The following NXPE3 variants were observed in gnomAD, a reference collection of about 807,000 sequenced individuals.
NXPE3 encodes neurexophilin and PC-esterase domain family member 3.
A neutral mutation model predicts 46.1 loss-of-function variants in NXPE3; 26 were observed. That is an observed-to-expected ratio of 0.56 (90% CI 0.41 to 0.78). NXPE3 has a LOEUF of 0.78. NXPE3 is among the 30% of genes least tolerant of loss of function. The probability of loss-of-function intolerance (pLI) is 0.00; values close to 1 mark genes in which losing one functional copy is unlikely to be tolerated. For synonymous variants in NXPE3, 272 were observed against 257.9 expected (o/e 1.05, Z -0.52); for missense variants, 620 against 686.0 (o/e 0.90, Z 1.07).
rs1941939958 is a variant in NXPE3 at position 101,815,706 on chromosome 3, G to A, written c.923-1089G>A. ...TAGTGAAACCCCATCTGTACTAAAAGTGCAAAAATTGGCCAGGCGTGGTGG... is the reference window on the plus strand; with the variant it reads ...TAGTGAAACCCCATCTGTACTAAAAATGCAAAAATTGGCCAGGCGTGGTGG... On this transcript the variant is annotated intron_variant, in intron 6 of 7. Coordinates refer to ENST00000273347, the MANE Select transcript of NXPE3 (RefSeq NM_145037.4). Among the ~76,000 whole-genome samples, 4 of 151,804 alleles carry A rather than the reference G, an allele frequency of 2.6e-5. No individual in the cohort carries two copies. In the South Asian group the frequency reaches 8.3e-4, roughly 32 times the overall value.
chr3:101,827,522 C>G lies in NXPE3; in HGVS notation c.*5568C>G, dbSNP rs963875877. ...TATGGTAAAAGGTAACTCCCTCCAC[C>G]CGCCCACTGCACCCTCACGTTTAGG... On this transcript the variant is annotated 3_prime_UTR_variant, in exon 8 of 8. Coordinates refer to ENST00000273347, the MANE Select transcript of NXPE3 (RefSeq NM_145037.4). 1.3e-5 allele frequency: 2 copies of G among 152,224 alleles called. No homozygotes were observed. Among genetic ancestry groups the G allele is most frequent in the Non-Finnish European group, 2.9e-5 (2 of 68,032 alleles). The allele number at this position is 152,224 out of a possible 1,614,324, so 9.4% of individuals were successfully genotyped here.
At chr3:101,791,688 T>C (rs1443656845) in intron 4 of NXPE3, among the ~76,000 whole-genome samples, 3 of 152,192 alleles carry the variant, frequency 2.0e-5, no homozygotes, top group East Asian at 1.9e-4. Flanking sequence ...ATCCAGTCTG[T>C]TTTTGATGGG....
intron 4 of NXPE3, among the ~76,000 whole-genome samples, chr3:101,787,359 T>G (rs769062918): frequency 1.3e-4 from 20 of 152,162 alleles, no homozygotes; most frequent in Non-Finnish European, 2.5e-4. Flanking sequence ...CAGGCTGGAG[T>G]GCAATGGCAC....
chr3:101,821,346 T>A lies in NXPE3; in HGVS notation c.1130-58T>A. The A allele has an allele frequency of 5.4e-6, 8 of 1,488,410 alleles. No individual in the cohort carries two copies. In the South Asian group the frequency reaches 9.6e-5, roughly 18 times the overall value. The allele number at this position is 1,488,410 out of a possible 1,614,324, so 92.2% of individuals were successfully genotyped here. ...TTTGAAGCCACTTAATAAGGTATAA[T>A]CAAAATATATGTGCTTGGTTTGAAG... On this transcript the variant is annotated intron_variant, in intron 7 of 7. Coordinates refer to ENST00000273347, the MANE Select transcript of NXPE3 (RefSeq NM_145037.4).
At position 101,827,047 on chromosome 3, in the gene NXPE3, A is replaced by G. The variant is rs1942518102; in HGVS notation, c.*5093A>G. The G allele has an allele frequency of 6.6e-6, 1 of 152,204 alleles. No homozygotes were observed. Among genetic ancestry groups the G allele is most frequent in the Non-Finnish European group, 1.5e-5 (1 of 68,050 alleles). 9.4% of individuals were successfully genotyped at this position (152,204 alleles called of 1,614,324 possible). ...AAACTCTGTCTCAATAAATAAATAA[A>G]TAAATAAAAAATAAAAAAGTGTGAA... On this transcript the variant is annotated 3_prime_UTR_variant, in exon 8 of 8. Transcript: ENST00000273347.
At chr3:101,780,888 T>G (rs1939781314) in intron 1 of NXPE3, among the ~76,000 whole-genome samples, 1 of 152,166 alleles carries the variant, frequency 6.6e-6, no homozygotes, top group African/African-American at 2.4e-5. Context: ...GAAGGAGAAA[T>G]GGAATCTGTG....
Position 101,821,724 on chromosome 3 carries a change from G to C in NXPE3, c.1450G>C (p.Ala484Pro), listed in dbSNP as rs760510105. 8.7e-6 allele frequency: 14 copies of C among 1,614,090 alleles called. No homozygotes were observed. The highest frequency in any genetic ancestry group is 1.2e-5 in the Non-Finnish European group (14 of 1,180,038). Residue 484 changes from alanine (A) to proline (P), a missense_variant, in exon 8 of 8, where the codon GCC becomes CCC. Ala to Pro is a conservative substitution (Grantham distance 27). This residue lies in a region of NXPE3 where 75 missense variants were observed against 121.1 expected (regional missense o/e 0.62). Coordinates refer to ENST00000273347, the MANE Select transcript of NXPE3 (RefSeq NM_145037.4). ...AAAGACCGTGGTGGTCATCCGGACG[G>C]CCAACGCCCAAGAGCTGGGACCTGA... ...SPKTVVVIRT[A>P]NAQELGPEVS...
intron 4 of NXPE3, among the ~76,000 whole-genome samples, chr3:101,799,726 C>T (rs1216144006): frequency 6.6e-6 from 1 of 152,106 alleles, no homozygotes; most frequent in Non-Finnish European, 1.5e-5. Context: ...ATCTGGCCTA[C>T]TTCATTCTTT....
intron 4 of NXPE3, among the ~76,000 whole-genome samples, chr3:101,792,921 G>A (rs1488833484): frequency 6.6e-6 from 1 of 152,088 alleles, no homozygotes; most frequent in Non-Finnish European, 1.5e-5. Context: ...CCATTTGTTT[G>A]TGTCTTCTCT....
At chr3:101,781,868 G>A (rs1019153749) in intron 1 of NXPE3, 1 of 152,112 alleles carries the variant, frequency 6.6e-6, no homozygotes, top group African/African-American at 2.4e-5. Flanking sequence ...TGTTTATAAA[G>A]TTTTGACCTT....
At chr3:101,807,180 A>G in intron 6 of NXPE3, 54 bp downstream of exon 6, 1 of 1,358,790 alleles carries the variant, frequency 7.4e-7, no homozygotes, top group Non-Finnish European at 1.1e-6. Flanking sequence ...AACTGGGTTG[A>G]GGCTCTGTCG....
At chr3:101,798,632 A>G (rs12631513) in intron 4 of NXPE3, among the ~76,000 whole-genome samples, 3 of 143,560 alleles carry the variant, frequency 2.1e-5, no homozygotes, top group Admixed American at 7.0e-5. Context: ...AAAGTTTTTG[A>G]GACAAAGTCT....
In NXPE3 at chr3:101,821,891, T is replaced by A. The variant is rs1421842357; in HGVS notation, c.1617T>A (p.Asp539Glu). 1.2e-6 allele frequency: 2 copies of A among 1,614,132 alleles called. No individual in the cohort carries two copies. Among genetic ancestry groups the A allele is most frequent in the Admixed American group, 3.3e-5 (2 of 60,018 alleles). The change falls in exon 8 of 8, where the codon GAT (aspartate) becomes GAA (glutamate). Residue 539 changes from aspartate (D) to glutamate (E), a missense_variant. Physicochemically the swap from Asp to Glu is conservative, Grantham distance 45. Around this residue, in one of 3 missense-constraint regions of NXPE3, gnomAD observed 34 missense variants for 36.2 expected, o/e 0.94. Coordinates refer to ENST00000273347, the MANE Select transcript of NXPE3 (RefSeq NM_145037.4). ...ATCTACCGCACAAGCTGCATCCAGATGAAGTTATTGTGAAGAACCAGCTGG... is the reference window on the plus strand; with the variant it reads ...ATCTACCGCACAAGCTGCATCCAGAAGAAGTTATTGTGAAGAACCAGCTGG... ...AHYLPHKLHP[D>E]EVIVKNQLDM...
chr3:101,801,049 A>G (rs931737104), intron 4 of NXPE3, among the ~76,000 whole-genome samples, 186 bp from the exon 5 acceptor site: 17 of 152,130 alleles, frequency 1.1e-4, no homozygotes, highest in African/African-American at 3.9e-4. Flanking sequence ...GCATACTTCA[A>G]AATGGGTCCT....
chr3:101,800,268 C>T (rs891517620), intron 4 of NXPE3, among the ~76,000 whole-genome samples: 2 of 152,066 alleles, frequency 1.3e-5, no homozygotes, highest in Non-Finnish European at 2.9e-5. Flanking sequence ...TCACCTTCAC[C>T]TAGTTAACAT....
chr3:101,785,672 A>G lies in NXPE3; in HGVS notation c.76A>G (p.Asn26Asp). 1 of 1,613,084 alleles carries G rather than the reference A, an allele frequency of 6.2e-7. No individual in the cohort carries two copies. Among genetic ancestry groups the G allele is most frequent in the Non-Finnish European group, 8.5e-7 (1 of 1,179,578 alleles). ...AVLMVVVLVI[N>D]VTQVEYLDHE... ...GTTGATGGTGGTGGTGCTGGTCATCAATGTTACTCAGGTAGAGGTGAGTAC... is the reference window on the plus strand; with the variant it reads ...GTTGATGGTGGTGGTGCTGGTCATCGATGTTACTCAGGTAGAGGTGAGTAC... Residue 26 changes from asparagine to aspartate, a missense_variant, in exon 4 of 8, where the codon AAT (asparagine) becomes GAT (aspartate). Coordinates refer to ENST00000273347, the MANE Select transcript of NXPE3 (RefSeq NM_145037.4).
chr3:101,808,817 G>GGATATAGATATATATA (rs1553802973), intron 6 of NXPE3, among the ~76,000 whole-genome samples: 1 of 6,670 alleles, frequency 1.5e-4, no homozygotes, highest in Non-Finnish European at 3.2e-4. Context: ...TAATTTTAGA[G>GGATATAGATATATATA]GATATATATA....
chr3:101,822,174 CTCTTA>C lies in NXPE3; in HGVS notation c.*221_*225del. Reference sequence around the variant, plus strand: ...CAATGTTGACTTAGCCATGGTAGAACTCTTAACTGCATCTACACACTATATTGCTC... The same window carrying C: ...CAATGTTGACTTAGCCATGGTAGAACACTGCATCTACACACTATATTGCTC... On this transcript the variant is annotated 3_prime_UTR_variant, in exon 8 of 8. Transcript: ENST00000273347. The C allele has an allele frequency of 3.0e-4, 164 of 540,772 alleles. No individual in the cohort carries two copies. The highest frequency in any genetic ancestry group is 1.1e-3 in the South Asian group (41 of 37,988). The allele number at this position is 540,772 out of a possible 1,614,324, so 33.5% of individuals were successfully genotyped here. A position where few individuals can be genotyped will look rare whatever the true frequency, so the allele number is the denominator to read the frequency against.
At chr3:101,813,507 A>G (rs1206120550) in intron 6 of NXPE3, among the ~76,000 whole-genome samples, 1 of 152,184 alleles carries the variant, frequency 6.6e-6, no homozygotes, top group East Asian at 1.9e-4. Flanking sequence ...ACATGGCGTG[A>G]CACCCTTTGG....
Sources: allele counts gnomAD v4.1 joint callset (sites outside exome capture counted in the v4.1 genomes callset), GRCh38; gene constraint gnomAD v4.1.1; regional missense constraint gnomAD v4.1.1; transcripts MANE v1.5; gene names NCBI Gene and HGNC (gene_info 2026-07-23, HGNC 2026-07-21).